Variants in SMC1B observed in about 807,000 individuals in gnomAD.
SMC1B encodes structural maintenance of chromosomes 1B.
In SMC1B, 60 loss-of-function variants were observed where a neutral mutation model predicts 157.9. That is an observed-to-expected ratio of 0.38 (90% CI 0.31 to 0.47). SMC1B has a LOEUF of 0.47. SMC1B is among the 20% of genes least tolerant of loss of function. The pLI, the probability that SMC1B is intolerant of heterozygous loss-of-function variation, is 0.99. For missense variants in SMC1B, 1,165 were observed against 1,426.2 expected (o/e 0.82, Z 2.95); for synonymous variants, 445 against 483.0 (o/e 0.92, Z 1.03).
At chr22:45,399,566 T>C (rs2087167987) in intron 5 of SMC1B, among the ~76,000 whole-genome samples, 1 of 152,150 alleles carries the variant, frequency 6.6e-6, no homozygotes, top group South Asian at 2.1e-4. Context: ...ACTGTAGTGG[T>C]AGACACTTGA....
At chr22:45,407,524 C>G (rs1460418361) in intron 2 of SMC1B, among the ~76,000 whole-genome samples, 1 of 151,778 alleles carries the variant, frequency 6.6e-6, no homozygotes, top group African/African-American at 2.4e-5. Flanking sequence ...TGCAGTGGCG[C>G]AATCTTGGCT....
chr22:45,393,488 G>T, intron 9 of SMC1B, 146 bp downstream of exon 9: 1 of 617,640 alleles, frequency 1.6e-6, no homozygotes, highest in Non-Finnish European at 2.7e-6. Flanking sequence ...TAAATATAAA[G>T]AGTCAAACAC....
At chr22:45,411,205 G>GA (rs2087329594) in intron 1 of SMC1B, among the ~76,000 whole-genome samples, 2 of 151,696 alleles carry the variant, frequency 1.3e-5, no homozygotes, top group African/African-American at 4.8e-5. Flanking sequence ...ACTATCAACT[G>GA]ATGGATAAAC....
Position 45,389,800 on chromosome 22 carries a change from G to T in SMC1B, c.1643C>A (p.Ala548Asp), listed in dbSNP as rs1223119764. 3 of 1,613,992 alleles carry T rather than the reference G, an allele frequency of 1.9e-6. No individual in the cohort carries two copies. The highest frequency in any genetic ancestry group is 2.5e-6 in the Non-Finnish European group (3 of 1,179,948). ...FGRFITAIVV[A>D]SEKVAKDCIR... ...ACAATCTTTTGCTACCTTTTCAGAG[G>T]CTACAACAATGGCAGTGATGAACCG... is the stretch of plus-strand genomic sequence containing the variant. The change falls in exon 10 of 25, where the codon GCC (alanine) becomes GAC (aspartate). Residue 548 changes from alanine to aspartate, a missense_variant. By Grantham distance (126) the Ala-to-Asp change is moderately radical (BLOSUM62 -2). Transcript: ENST00000357450.
intron 23 of SMC1B, among the ~76,000 whole-genome samples, chr22:45,348,622 G>C (rs1204856796): frequency 2.0e-5 from 3 of 151,978 alleles, no homozygotes; most frequent in African/African-American, 7.3e-5. Context: ...CCCCCATGTT[G>C]ATTTCTCATC....
chr22:45,357,030 G>T (rs1380312999), intron 19 of SMC1B, among the ~76,000 whole-genome samples: 2 of 152,160 alleles, frequency 1.3e-5, no homozygotes, highest in African/African-American at 2.4e-5. Context: ...ACCACGCCCG[G>T]CCTGATACTT....
chr22:45,375,742 TATG>T (rs2086877961), intron 12 of SMC1B, among the ~76,000 whole-genome samples: 1 of 152,172 alleles, frequency 6.6e-6, no homozygotes, highest in South Asian at 2.1e-4. Context: ...ATTAATAGAT[TATG>T]ATGATCACTT....
chr22:45,352,419 A>G (rs1602046406), intron 22 of SMC1B, 32 bp downstream of exon 22: 1 of 1,594,630 alleles, frequency 6.3e-7, no homozygotes, highest in Non-Finnish European at 8.6e-7. Flanking sequence ...TTCTGCCCTG[A>G]TATGAAAACT....
At chr22:45,350,162 G>A (rs746944102) in intron 22 of SMC1B, among the ~76,000 whole-genome samples, 4 of 151,876 alleles carry the variant, frequency 2.6e-5, no homozygotes, top group Non-Finnish European at 5.9e-5. Flanking sequence ...CAACTCCCTT[G>A]GTGATTAAAT....
At chr22:45,362,478 A>G (rs2086731147) in intron 16 of SMC1B, among the ~76,000 whole-genome samples, 1 of 151,974 alleles carries the variant, frequency 6.6e-6, no homozygotes, top group Admixed American at 6.6e-5. Flanking sequence ...AACCATTCTC[A>G]TGTGGTTTCA....
intron 1 of SMC1B, among the ~76,000 whole-genome samples, chr22:45,412,616 C>G (rs2087356303): frequency 6.6e-6 from 1 of 151,366 alleles, no homozygotes; most frequent in Non-Finnish European, 1.5e-5. Context: ...AAGCGATTCT[C>G]CCGCCTCAGC....
At chr22:45,375,846 T>G (rs2086878976) in intron 12 of SMC1B, among the ~76,000 whole-genome samples, 1 of 152,156 alleles carries the variant, frequency 6.6e-6, no homozygotes, top group Non-Finnish European at 1.5e-5. Flanking sequence ...CATTTAGATA[T>G]TATATATTTA....
intron 10 of SMC1B, among the ~76,000 whole-genome samples, chr22:45,389,116 C>G (rs2087027521): frequency 6.6e-6 from 1 of 151,988 alleles, no homozygotes; most frequent in Non-Finnish European, 1.5e-5. Context: ...GGCATGTGCT[C>G]TTAACTATTA....
At chr22:45,386,752 T>A (rs1249443287) in intron 11 of SMC1B, 115 bp downstream of exon 11, 1 of 919,870 alleles carries the variant, frequency 1.1e-6, no homozygotes, top group East Asian at 2.5e-5. Flanking sequence ...TGGTTCTCTT[T>A]AGAAAAAAGA....
chr22:45,406,529 T>G lies in SMC1B; in HGVS notation c.546A>C (p.Ala182=), dbSNP rs377173833. The change falls in exon 4 of 25, where the codon GCA becomes GCC. Residue 182 remains alanine, a synonymous_variant. Transcript: ENST00000357450. ...KRKLQKAEED[A]QFNFNKKKNI... is the part of the protein sequence containing the mutation. ...TTTTTTTCTTATTAAAGTTAAACTG[T>G]GCATCCTCTTCGGCTTTTTGTAACT... is the stretch of plus-strand genomic sequence containing the variant. 189 of 1,613,208 alleles carry G rather than the reference T, an allele frequency of 1.2e-4. No homozygotes were observed. The highest frequency in any genetic ancestry group is 1.5e-4 in the Non-Finnish European group (178 of 1,179,936).
At chr22:45,405,006 G>C (rs1290805887) in intron 4 of SMC1B, among the ~76,000 whole-genome samples, 1 of 152,206 alleles carries the variant, frequency 6.6e-6, no homozygotes, top group East Asian at 1.9e-4. Context: ...CTAGTACAAG[G>C]GAGGGGGTGC....
chr22:45,345,477 C>G lies in SMC1B; in HGVS notation c.3588G>C (p.Leu1196=). 1.2e-6 allele frequency: 2 copies of G among 1,612,432 alleles called. No homozygotes were observed. The highest frequency in any genetic ancestry group is 1.7e-6 in the Non-Finnish European group (2 of 1,178,582). ...KEEFYSRADA[L]IGIYPEYDDC... is the part of the protein sequence containing the mutation. ...TCTTTACCTCAGGATAGATGCCGAT[C>G]AGCGCGTCGGCTCTGGAATAGAACT... The change falls in exon 24 of 25, where the codon CTG becomes CTC. Residue 1196 remains leucine (L), a synonymous_variant. Coordinates refer to ENST00000357450, the MANE Select transcript of SMC1B (RefSeq NM_148674.5).
intron 22 of SMC1B, 31 bp from the exon 23 acceptor site, chr22:45,349,828 A>T (rs779969433): frequency 2.0e-6 from 3 of 1,524,204 alleles, no homozygotes; most frequent in Non-Finnish European, 2.7e-6. Context: ...AGTAAGTTAC[A>T]ATTTTCTATT....
intron 23 of SMC1B, among the ~76,000 whole-genome samples, chr22:45,346,300 G>A (rs1054029170): frequency 9.8e-5 from 15 of 152,298 alleles, no homozygotes; most frequent in East Asian, 7.7e-4. Context: ...ATATGTATTC[G>A]TAATCCATAA....
Sources: allele counts gnomAD v4.1 joint callset (sites outside exome capture counted in the v4.1 genomes callset), GRCh38; gene constraint gnomAD v4.1.1; transcripts MANE v1.5; gene names NCBI Gene and HGNC (gene_info 2026-07-23, HGNC 2026-07-21).